Variants in NEGR1 observed in about 807,000 individuals in gnomAD.
The protein encoded by NEGR1 is IgLON family member 4.
NEGR1 carries 10 observed loss-of-function variants against 40.9 expected under a neutral mutation model. The ratio of observed to expected loss-of-function variants is 0.24; its 90% CI spans 0.15 to 0.42. The LOEUF is 0.42. Ranked by LOEUF, NEGR1 falls within the 10% of genes least tolerant of loss-of-function variation. The probability of loss-of-function intolerance (pLI) is 1.00; values close to 1 mark genes in which losing one functional copy is unlikely to be tolerated. For synonymous variants in NEGR1, 185 were observed against 166.8 expected (o/e 1.11, Z -0.84); for missense variants, 352 against 438.9 (o/e 0.80, Z 1.77).
At chr1:72,091,936 T>G (rs990842575) in intron 1 of NEGR1, among the ~76,000 whole-genome samples, 1 of 152,204 alleles carries the variant, frequency 6.6e-6, no homozygotes, top group South Asian at 2.1e-4. Context: ...AGGACACTAA[T>G]CCCATTGGAT....
chr1:72,066,499 T>A (rs1647275346), intron 1 of NEGR1, among the ~76,000 whole-genome samples: 1 of 152,154 alleles, frequency 6.6e-6, no homozygotes, highest in African/African-American at 2.4e-5. Context: ...CTGAAAAATG[T>A]GGAAGCCGTG....
intron 1 of NEGR1, among the ~76,000 whole-genome samples, chr1:72,091,613 G>T (rs1648503772): frequency 6.6e-6 from 1 of 152,064 alleles, no homozygotes; most frequent in African/African-American, 2.4e-5. Context: ...CCATAGGACT[G>T]CAGAGTAGGG....
At chr1:71,560,104 ATGATG>A (rs1213789986) in intron 6 of NEGR1, among the ~76,000 whole-genome samples, 9 of 151,336 alleles carry the variant, frequency 5.9e-5, no homozygotes, top group African/African-American at 1.7e-4. Context: ...GATGATGATG[ATGATG>A]ATAACTATAT....
chr1:72,191,852 C>T (rs1652831415), intron 1 of NEGR1, among the ~76,000 whole-genome samples: 1 of 151,666 alleles, frequency 6.6e-6, no homozygotes. Flanking sequence ...ATTGATCCAA[C>T]ACTTGCAGGG....
intron 1 of NEGR1, among the ~76,000 whole-genome samples, chr1:72,185,255 G>T (rs1166810455): frequency 1.3e-5 from 2 of 151,696 alleles, no homozygotes; most frequent in Admixed American, 1.3e-4. Context: ...ACCATAATTT[G>T]AATAGTGTTT....
intron 1 of NEGR1, among the ~76,000 whole-genome samples, chr1:72,081,101 A>G (rs1020875208): frequency 1.3e-5 from 2 of 152,162 alleles, no homozygotes; most frequent in Non-Finnish European, 2.9e-5. Flanking sequence ...AGTCATTTAC[A>G]TACTTTCAGT....
intron 3 of NEGR1, among the ~76,000 whole-genome samples, chr1:71,706,919 C>T (rs970121230): frequency 6.6e-6 from 1 of 151,950 alleles, no homozygotes; most frequent in African/African-American, 2.4e-5. Flanking sequence ...CAGTACATTA[C>T]CAGCTGATGA....
At chr1:71,688,395 T>G (rs371478615) in intron 4 of NEGR1, among the ~76,000 whole-genome samples, 3,128 of 33,872 alleles carry the variant, frequency 0.092, 651 homozygotes, top group East Asian at 0.12. Context: ...ATATATAAAA[T>G]ATATATATAA....
chr1:71,513,447 G>C (rs1647091464), intron 6 of NEGR1, among the ~76,000 whole-genome samples: 1 of 152,064 alleles, frequency 6.6e-6, no homozygotes, highest in African/African-American at 2.4e-5. Context: ...GACTCTTGCT[G>C]CATAAATTCT....
chr1:71,623,239 A>G (rs1245470246), intron 4 of NEGR1, among the ~76,000 whole-genome samples: 3 of 151,862 alleles, frequency 2.0e-5, no homozygotes, highest in Non-Finnish European at 2.9e-5. Context: ...ACAGTGTCAG[A>G]AGTCTAGCAA....
chr1:71,935,038 A>G (rs1039343150), intron 2 of NEGR1, 41 bp downstream of exon 2: 2 of 1,160,102 alleles, frequency 1.7e-6, no homozygotes, highest in East Asian at 2.4e-5. Flanking sequence ...AATATTTCTA[A>G]GCACAGTCTT....
intron 1 of NEGR1, among the ~76,000 whole-genome samples, chr1:72,009,859 T>G (rs544094194): frequency 6.6e-6 from 1 of 152,136 alleles, no homozygotes; most frequent in African/African-American, 2.4e-5. Context: ...TATTTGTAAC[T>G]GTGGGGAAAT....
intron 1 of NEGR1, among the ~76,000 whole-genome samples, chr1:71,956,886 T>C (rs75947899): frequency 6.6e-6 from 1 of 152,230 alleles, no homozygotes; most frequent in East Asian, 1.9e-4. Context: ...CCCTTATCTG[T>C]AAAACAGAAT....
At chr1:71,580,469 A>T (rs1351651527) in intron 6 of NEGR1, among the ~76,000 whole-genome samples, 2 of 152,058 alleles carry the variant, frequency 1.3e-5, no homozygotes, top group East Asian at 1.9e-4. Context: ...ATAATAATAA[A>T]AATAAAAAAA....
chr1:71,799,096 C>T (rs1189456905), intron 2 of NEGR1, among the ~76,000 whole-genome samples: 5 of 151,062 alleles, frequency 3.3e-5, no homozygotes, highest in Non-Finnish European at 2.9e-5. Flanking sequence ...GCAGAACATG[C>T]AGGTTTATTA....
intron 1 of NEGR1, among the ~76,000 whole-genome samples, chr1:72,076,065 G>A (rs1041852699): frequency 5.9e-5 from 9 of 152,054 alleles, no homozygotes; most frequent in Admixed American, 3.9e-4. Context: ...TATAAATATC[G>A]ATAACCTTAA....
At chr1:72,068,060 T>C (rs1174768831) in intron 1 of NEGR1, among the ~76,000 whole-genome samples, 1 of 152,152 alleles carries the variant, frequency 6.6e-6, no homozygotes, top group Non-Finnish European at 1.5e-5. Context: ...AAAATAAAAT[T>C]AGAGGTTCAT....
chr1:72,143,171 G>C (rs1177178020), intron 1 of NEGR1, among the ~76,000 whole-genome samples: 1 of 151,872 alleles, frequency 6.6e-6, no homozygotes, highest in Non-Finnish European at 1.5e-5. Flanking sequence ...TATTATTTCT[G>C]TCTCTCCTGC....
chr1:71,976,461 T>C (rs1393237445), intron 1 of NEGR1, among the ~76,000 whole-genome samples: 1 of 152,244 alleles, frequency 6.6e-6, no homozygotes, highest in African/African-American at 2.4e-5. Context: ...TGGAATACAT[T>C]GGATTCAGAT....
Sources: allele counts gnomAD v4.1 joint callset (sites outside exome capture counted in the v4.1 genomes callset), GRCh38; gene constraint gnomAD v4.1.1; transcripts MANE v1.5; gene names NCBI Gene and HGNC (gene_info 2026-07-23, HGNC 2026-07-21).